ATP2B3: variants seen among roughly 807,000 people sequenced by gnomAD.
ATP2B3 encodes the protein ATPase plasma membrane Ca2+ transporting 3, also known as plasma membrane calcium-transporting ATPase 3.
A neutral mutation model predicts 70.8 loss-of-function variants in ATP2B3; 12 were observed. The ratio of observed to expected loss-of-function variants is 0.17; its 90% CI spans 0.11 to 0.27. The LOEUF (loss-of-function observed/expected upper bound fraction) is 0.27, where lower values mean the gene tolerates loss of function less well. ATP2B3 is among the 10% of genes least tolerant of loss of function. The probability of loss-of-function intolerance (pLI) is 1.00; values close to 1 mark genes in which losing one functional copy is unlikely to be tolerated. For synonymous variants in ATP2B3, 460 were observed against 497.8 expected, an observed-to-expected ratio of 0.92 and a Z score of 1.01; for missense variants, 858 against 1,118.5, an observed-to-expected ratio of 0.77 and a Z score of 3.32.
intron 21 of ATP2B3, among the ~76,000 whole-genome samples, chrX:153,565,504 A>G (rs1384750495): frequency 1.8e-5 from 2 of 112,786 alleles, no homozygotes; most frequent in African/African-American, 3.2e-5. Context: ...AACAGCCACC[A>G]GCGAGCTCAA....
rs782648071 is a variant in ATP2B3 at position 153,541,534 on chromosome X, G to A, written c.384G>A (p.Ala128=). Residue 128 remains alanine, a synonymous_variant, in exon 4 of 22, where the codon GCG becomes GCA. Transcript: ENST00000263519. ...TCTCTCTGGGCCTCTCGTTCTATGC[G>A]CCGCCAGGAGAGGAGAGTGAAGGTA... ...AIVSLGLSFY[A]PPGEESEACG... is the part of the protein sequence containing the mutation. 64 of 1,209,532 alleles carry A rather than the reference G, an allele frequency of 5.3e-5. No homozygotes were observed. The highest frequency in any genetic ancestry group is 3.1e-4 in the Admixed American group (14 of 45,724).
intron 17 of ATP2B3, 144 bp downstream of exon 17, chrX:153,558,447 C>A: frequency 1.6e-6 from 1 of 619,931 alleles, no homozygotes; most frequent in South Asian, 3.8e-5. Flanking sequence ...TCACCATTTT[C>A]AAGTACATAA....
Position 153,580,557 on chromosome X carries a change from A to C in ATP2B3, c.*259A>C. ...GGAAAAGGAGGAAGAGGAGGACAAA[A>C]AGGGGGAGGAGAAGGTTCTTCGTCC... On this transcript the variant is annotated 3_prime_UTR_variant, in exon 22 of 22. Transcript: ENST00000263519. The C allele has an allele frequency of 9.2e-6, 3 of 325,745 alleles. No homozygotes were observed. The highest frequency in any genetic ancestry group is 1.1e-5 in the Non-Finnish European group (2 of 185,999). The allele number at this position is 325,745 out of a possible 1,213,427, so 26.8% of individuals were successfully genotyped here.
intron 3 of ATP2B3, among the ~76,000 whole-genome samples, chrX:153,540,336 G>A (rs2090261075): frequency 8.9e-6 from 1 of 112,207 alleles, no homozygotes; most frequent in Non-Finnish European, 1.9e-5. Context: ...CCTCAGCACC[G>A]TGACTCCGGT....
rs2090462410 is a variant in ATP2B3 at position 153,551,891 on chromosome X, A to AG, written c.1824-1144_1824-1143insG. Among the ~76,000 whole-genome samples the AG allele has an allele frequency of 1.2e-4, 13 of 112,239 alleles. No homozygotes were observed. In the South Asian group the frequency reaches 4.4e-3, roughly 38 times the overall value. ...TCCACAAGTCACCTCGCTCCTCATG[A>AG]CTGCCGTCCCAGGGCCCTCAGGGCA... On this transcript the variant is annotated intron_variant, in intron 12 of 21. Coordinates refer to ENST00000263519, the MANE Select transcript of ATP2B3 (RefSeq NM_001001344.3).
Position 153,579,963 on chromosome X carries a change from C to T in ATP2B3, c.3343-15C>T. ...GCTCCCACCTCGCGCCCTGTCCCTCCACCTCCCACTCCAGATCCGGGTGGT... is the reference window on the plus strand; with the variant it reads ...GCTCCCACCTCGCGCCCTGTCCCTCTACCTCCCACTCCAGATCCGGGTGGT... On this transcript the variant is annotated splice_polypyrimidine_tract_variant and intron_variant, in intron 21 of 21. Coordinates refer to ENST00000263519, the MANE Select transcript of ATP2B3 (RefSeq NM_001001344.3). 1.7e-6 allele frequency: 2 copies of T among 1,195,831 alleles called. No individual in the cohort carries two copies. The highest frequency in any genetic ancestry group is 1.8e-5 in the South Asian group (1 of 55,856).
Position 153,518,436 on chromosome X carries a change from G to C in ATP2B3, c.-242G>C, listed in dbSNP as rs3020938. Among the ~76,000 whole-genome samples, 1 of 113,007 alleles carries C rather than the reference G, an allele frequency of 8.8e-6. No individual in the cohort carries two copies. The highest frequency in any genetic ancestry group is 2.8e-4 in the East Asian group (1 of 3,582). On this transcript the variant is annotated 5_prime_UTR_variant, in exon 2 of 22. Coordinates refer to ENST00000263519, the MANE Select transcript of ATP2B3 (RefSeq NM_001001344.3). ...GTAACTTCTCCATCCCTCCAGGAAC[G>C]GCTGTCTCCCCCTCCTCGCCTGTGT...
chrX:153,569,911 C>T (rs2090763643), intron 21 of ATP2B3: 3 of 578,282 alleles, frequency 5.2e-6, no homozygotes, highest in Non-Finnish European at 8.1e-6. Flanking sequence ...CCCGCCCAGA[C>T]GGTGTCTCTC....
intron 21 of ATP2B3, among the ~76,000 whole-genome samples, chrX:153,574,107 C>T (rs1225685029): frequency 1.8e-5 from 2 of 112,924 alleles, no homozygotes; most frequent in Non-Finnish European, 3.7e-5. Flanking sequence ...GAAGTGAGGC[C>T]GAAGCCATCT....
intron 21 of ATP2B3, among the ~76,000 whole-genome samples, chrX:153,579,384 G>C (rs1557022085): frequency 8.9e-6 from 1 of 112,938 alleles, no homozygotes; most frequent in East Asian, 2.8e-4. Context: ...GGGAGCTGGG[G>C]GATGGAGGGA....
chrX:153,574,915 G>T lies in ATP2B3; in HGVS notation c.3343-5063G>T, dbSNP rs907299178. The T allele has an allele frequency of 9.2e-6, 3 of 324,643 alleles. No individual in the cohort carries two copies. In the Admixed American group the frequency reaches 9.4e-5, roughly 10 times the overall value. The allele number at this position is 324,643 out of a possible 1,213,427, so 26.8% of individuals were successfully genotyped here. A position where few individuals can be genotyped will look rare whatever the true frequency, so the allele number is the denominator to read the frequency against. Reference sequence around the variant, plus strand: ...GCCTTGTCAGTCTGCAGCGTCACCCGCCCTGTGTAAGGCTCAGAACTGCTC... The same window carrying T: ...GCCTTGTCAGTCTGCAGCGTCACCCTCCCTGTGTAAGGCTCAGAACTGCTC... On this transcript the variant is annotated intron_variant, in intron 21 of 21. Coordinates refer to ENST00000263519, the MANE Select transcript of ATP2B3 (RefSeq NM_001001344.3).
chrX:153,550,811 G>A (rs1557011248), intron 12 of ATP2B3, among the ~76,000 whole-genome samples: 1 of 111,691 alleles, frequency 9.0e-6, no homozygotes, highest in African/African-American at 3.3e-5. Context: ...TGCCCAGGGT[G>A]GTCTTGAAGT....
intron 20 of ATP2B3, 91 bp from the exon 21 acceptor site, chrX:153,564,830 G>T: frequency 2.2e-6 from 2 of 920,031 alleles, no homozygotes; most frequent in South Asian, 2.8e-5. Flanking sequence ...TTGGAAGAAG[G>T]AGGCCGGCGT....
intron 21 of ATP2B3, among the ~76,000 whole-genome samples, chrX:153,577,361 C>T (rs992503478): frequency 6.2e-5 from 7 of 112,091 alleles, no homozygotes; most frequent in Non-Finnish European, 1.3e-4. Flanking sequence ...CTGGCCTGAT[C>T]ACATGCCCCC....
intron 21 of ATP2B3, among the ~76,000 whole-genome samples, chrX:153,579,676 G>A (rs2090899240): frequency 8.9e-6 from 1 of 111,869 alleles, no homozygotes; most frequent in African/African-American, 3.3e-5. Context: ...TCAGCCTAGA[G>A]AAAGACACTG....
chrX:153,555,927 G>A (rs2090527472), intron 13 of ATP2B3, 122 bp from the exon 14 acceptor site: 1 of 800,722 alleles, frequency 1.2e-6, no homozygotes, highest in African/African-American at 2.0e-5. Flanking sequence ...GAATCGGATG[G>A]CTTTACTCTC....
chrX:153,524,394 A>C (rs926814582), intron 2 of ATP2B3, among the ~76,000 whole-genome samples: 1 of 111,181 alleles, frequency 9.0e-6, no homozygotes, highest in Non-Finnish European at 1.9e-5. Context: ...CGACTACTCA[A>C]CTCTGCATGG....
At chrX:153,534,344 G>A (rs1257432444) in intron 2 of ATP2B3, among the ~76,000 whole-genome samples, 1 of 112,261 alleles carries the variant, frequency 8.9e-6, no homozygotes, top group Non-Finnish European at 1.9e-5. Context: ...CATCAGAAAA[G>A]CAAGGGCAAT....
intron 1 of ATP2B3, among the ~76,000 whole-genome samples, chrX:153,518,150 T>G (rs1472675081): frequency 8.9e-5 from 10 of 112,457 alleles, no homozygotes; most frequent in Admixed American, 1.8e-4. Flanking sequence ...CATCCGTGTC[T>G]GAGGAACAAG....
Sources: gnomAD v4.1 joint callset for allele counts (sites outside exome capture counted in the v4.1 genomes callset) on GRCh38, gnomAD v4.1.1 for gene constraint, MANE v1.5 for transcripts, NCBI Gene and HGNC (gene_info 2026-07-23, HGNC 2026-07-21) for gene names.